The following COL10A1 variants were observed in gnomAD, a reference collection of about 807,000 sequenced individuals.
COL10A1 encodes collagen type X alpha 1 chain.
In COL10A1, 10 loss-of-function variants were observed where a neutral mutation model predicts 18.2. The ratio of observed to expected loss-of-function variants is 0.55; its 90% confidence interval spans 0.34 to 0.93. The LOEUF (loss-of-function observed/expected upper bound fraction) is 0.93, where lower values mean the gene tolerates loss of function less well. Ranked by LOEUF, COL10A1 falls within the 40% of genes least tolerant of loss-of-function variation. The pLI is 0.02. For missense variants in COL10A1, 897 were observed against 853.5 expected (o/e 1.05, Z -0.64); for synonymous variants, 330 against 316.6 (o/e 1.04, Z -0.45).
chr6:116,156,517 G>T (rs925590740), intron 1 of COL10A1, among the ~76,000 whole-genome samples: 36 of 152,158 alleles, frequency 2.4e-4, no homozygotes, highest in Admixed American at 2.4e-3. Context: ...TCTTAAGGAA[G>T]ACATGGGCAA....
At position 116,121,469 on chromosome 6, in the gene COL10A1, G is replaced by T. The variant is rs1431514346; in HGVS notation, c.647C>A (p.Pro216His). Reference protein sequence around the residue: ...GPQGPTGPSGPPGVGKRGENG... With the variant: ...GPQGPTGPSGHPGVGKRGENG... The stretch of plus-strand genomic sequence containing the variant: ...TTCACCTCTTTTTCCCACTCCAGGA[G>T]GGCCAGATGGTCCTGTGGGACCCTG... Residue 216 changes from proline to histidine, a missense_variant, in exon 3 of 3, where the codon CCT becomes CAT. Transcript: ENST00000651968. 6.2e-7 allele frequency: 1 copy of T among 1,614,138 alleles called. No homozygotes were observed. Among genetic ancestry groups the T allele is most frequent in the African/African-American group, 1.3e-5 (1 of 75,028 alleles).
chr6:116,172,144 T>C, the COL10A1 span, among the ~76,000 whole-genome samples: 1 of 152,196 alleles, frequency 6.6e-6, no homozygotes, highest in African/African-American at 2.4e-5. Flanking sequence ...TGTAAATTTG[T>C]AAACCCTTTC....
At chr6:116,201,130 G>T in the COL10A1 span, among the ~76,000 whole-genome samples, 3 of 151,996 alleles carry the variant, frequency 2.0e-5, no homozygotes, top group African/African-American at 7.2e-5. Context: ...TGCAGAATAA[G>T]AAGGTGAGAT....
the COL10A1 span, among the ~76,000 whole-genome samples, chr6:116,174,135 A>T: frequency 1.3e-5 from 2 of 152,200 alleles, no homozygotes; most frequent in East Asian, 3.9e-4. Context: ...TGCTGTCAAC[A>T]TGACATCACT....
chr6:116,201,271 C>T, the COL10A1 span, among the ~76,000 whole-genome samples: 2 of 152,132 alleles, frequency 1.3e-5, no homozygotes, highest in East Asian at 3.9e-4. Context: ...TGGCTGTAGC[C>T]ATTATAACTA....
chr6:116,130,281 T>C (rs144027320), upstream of COL10A1, among the ~76,000 whole-genome samples: 1 of 151,878 alleles, frequency 6.6e-6, no homozygotes, highest in African/African-American at 2.4e-5. Flanking sequence ...GTGAGGAAAG[T>C]GTGTGTGTTT....
intron 1 of COL10A1, among the ~76,000 whole-genome samples, chr6:116,148,643 G>A (rs1048033789): frequency 6.6e-6 from 1 of 152,052 alleles, no homozygotes; most frequent in Non-Finnish European, 1.5e-5. Context: ...GTTAAGAAAT[G>A]ACTAAAGTTG....
the COL10A1 span, among the ~76,000 whole-genome samples, chr6:116,164,256 T>A: frequency 5.7e-3 from 866 of 152,330 alleles, 17 homozygotes; most frequent in South Asian, 0.046. Context: ...CTTTTATAAA[T>A]CTGGGTGCTC....
chr6:116,138,403 T>C (rs1779676856), intron 1 of COL10A1, among the ~76,000 whole-genome samples: 1 of 152,200 alleles, frequency 6.6e-6, no homozygotes, highest in African/African-American at 2.4e-5. Flanking sequence ...AAGATTTGTG[T>C]GAAAGTGTAA....
At chr6:116,188,706 CTT>C in the COL10A1 span, among the ~76,000 whole-genome samples, 3 of 146,220 alleles carry the variant, frequency 2.1e-5, no homozygotes, top group Non-Finnish European at 1.5e-5. Context: ...AAATTTTCTA[CTT>C]TTTTTTTTTT....
At chr6:116,174,517 G>A in the COL10A1 span, among the ~76,000 whole-genome samples, 1 of 152,150 alleles carries the variant, frequency 6.6e-6, no homozygotes. Context: ...ATAAAATTTA[G>A]AGTGCCAATG....
intron 1 of COL10A1, among the ~76,000 whole-genome samples, chr6:116,148,756 A>T (rs952811382): frequency 3.9e-5 from 6 of 152,302 alleles, no homozygotes; most frequent in South Asian, 4.1e-4. Flanking sequence ...ACTGTTTATT[A>T]TTCAGATATA....
chr6:116,185,513 C>T, the COL10A1 span, among the ~76,000 whole-genome samples: 1 of 151,976 alleles, frequency 6.6e-6, no homozygotes, highest in Non-Finnish European at 1.5e-5. Context: ...TTTCTTAAGT[C>T]TAGTAGTAAC....
At chr6:116,199,063 A>G in the COL10A1 span, among the ~76,000 whole-genome samples, 1 of 151,992 alleles carries the variant, frequency 6.6e-6, no homozygotes, top group Non-Finnish European at 1.5e-5. Flanking sequence ...TATCCACTAG[A>G]TGGTAGTAGC....
the COL10A1 span, among the ~76,000 whole-genome samples, chr6:116,205,121 T>G: frequency 6.6e-6 from 1 of 151,980 alleles, no homozygotes; most frequent in Non-Finnish European, 1.5e-5. Context: ...TGTTTCTGGT[T>G]AGGCCGGTAA....
At position 116,121,523 on chromosome 6, in the gene COL10A1, C is replaced by A. The variant is rs148785195; in HGVS notation, c.593G>T (p.Arg198Leu). 1 of 1,614,136 alleles carries A rather than the reference C, an allele frequency of 6.2e-7. No individual in the cohort carries two copies. The highest frequency in any genetic ancestry group is 8.5e-7 in the Non-Finnish European group (1 of 1,180,010). ...GCCTGGAAGACCCCTCTCACCTGGACGACCAGGAGCACCATATCCCATTTC... is the reference window on the plus strand; with the variant it reads ...GCCTGGAAGACCCCTCTCACCTGGAAGACCAGGAGCACCATATCCCATTTC... ...KGEMGYGAPG[R>L]PGERGLPGPQ... Residue 198 changes from arginine (R) to leucine (L), a missense_variant, in exon 3 of 3, where the codon CGT becomes CTT. By Grantham distance (102) the Arg-to-Leu change is moderately radical. Coordinates refer to ENST00000651968, the MANE Select transcript of COL10A1 (RefSeq NM_000493.4).
At position 116,154,906 on chromosome 6, in the gene COL10A1, A is replaced by G. The variant is rs1035555520; in HGVS notation, c.-16+3708T>C. 3.9e-5 allele frequency among the ~76,000 whole-genome samples: 6 copies of G among 152,320 alleles called. No individual in the cohort carries two copies. In the East Asian group the frequency reaches 1.2e-3, roughly 29 times the overall value. Reference sequence around the variant, plus strand: ...TTAATATCATTTTTCTTCATAAGATAAAAATAAAAAACATCATTTAGGAGT... The same window carrying G: ...TTAATATCATTTTTCTTCATAAGATGAAAATAAAAAACATCATTTAGGAGT... On this transcript the variant is annotated intron_variant, in intron 1 of 1. Transcript: ENST00000418500.
the COL10A1 span, among the ~76,000 whole-genome samples, chr6:116,198,901 A>T: frequency 6.6e-6 from 1 of 152,050 alleles, no homozygotes; most frequent in Admixed American, 6.6e-5. Context: ...AAACTAATTC[A>T]GTTAGAATAT....
intron 2 of COL10A1, 84 bp from the exon 3 acceptor site, chr6:116,122,045 T>C: frequency 8.8e-7 from 1 of 1,139,048 alleles, no homozygotes; most frequent in Middle Eastern, 2.5e-4. Flanking sequence ...AAACTATGAA[T>C]TGGGACACGA....
Sources: allele counts gnomAD v4.1 joint callset (sites outside exome capture counted in the v4.1 genomes callset), GRCh38; gene constraint gnomAD v4.1.1; transcripts MANE v1.5; gene names NCBI Gene and HGNC (gene_info 2026-07-23, HGNC 2026-07-21).